The following SVEP1 variants were observed in gnomAD, a reference collection of about 807,000 sequenced individuals.
The protein encoded by SVEP1 is sushi, von Willebrand factor type A, EGF and pentraxin domain-containing protein 1.
SVEP1 carries 164 observed loss-of-function variants against 367.3 expected under a neutral mutation model. That is an observed-to-expected ratio of 0.45 (90% CI 0.39 to 0.51). SVEP1 has a LOEUF of 0.51. Among genes scored for constraint, SVEP1 ranks in the 20% least tolerant of loss-of-function variants. SVEP1 has a pLI of 0.00. For missense variants in SVEP1, 4,117 were observed against 4,425.3 expected, an observed-to-expected ratio of 0.93 and a Z score of 1.98; for synonymous variants, 1,666 against 1,611.6, an observed-to-expected ratio of 1.03 and a Z score of -0.81.
At chr9:110,393,071 T>G (rs1184407504) in intron 40 of SVEP1, among the ~76,000 whole-genome samples, 2 of 152,222 alleles carry the variant, frequency 1.3e-5, no homozygotes, top group Non-Finnish European at 2.9e-5. Context: ...ATTGCACCTT[T>G]CTCAATTTTT....
chr9:110,451,843 AAC>A (rs1409993569), intron 22 of SVEP1, among the ~76,000 whole-genome samples: 4 of 152,218 alleles, frequency 2.6e-5, no homozygotes, highest in Non-Finnish European at 4.4e-5. Flanking sequence ...AAATTAGGGA[AAC>A]ACAGCCAAAT....
intron 41 of SVEP1, among the ~76,000 whole-genome samples, 186 bp from the exon 42 acceptor site, chr9:110,387,644 T>G (rs1489383046): frequency 6.6e-6 from 1 of 152,214 alleles, no homozygotes; most frequent in Non-Finnish European, 1.5e-5. Flanking sequence ...AATACATGCA[T>G]GCAATTAAAG....
At chr9:110,535,500 G>A (rs1325801559) in intron 3 of SVEP1, among the ~76,000 whole-genome samples, 1 of 151,982 alleles carries the variant, frequency 6.6e-6, no homozygotes, top group Admixed American at 6.6e-5. Flanking sequence ...GGCTATTCTG[G>A]GTCTTTTTTG....
At chr9:110,572,169 C>A (rs1429881459) in intron 1 of SVEP1, among the ~76,000 whole-genome samples, 1 of 152,194 alleles carries the variant, frequency 6.6e-6, no homozygotes, top group Non-Finnish European at 1.5e-5. Context: ...GATAGACTGT[C>A]TTTGGCATTT....
chr9:110,458,113 ACT>A (rs1272081645), intron 20 of SVEP1: 1 of 497,130 alleles, frequency 2.0e-6, no homozygotes, highest in Non-Finnish European at 3.9e-6. Flanking sequence ...AAGTTGGGTA[ACT>A]CTGCCTGCCA....
At chr9:110,441,812 T>C (rs935461490) in intron 27 of SVEP1, among the ~76,000 whole-genome samples, 10 of 152,210 alleles carry the variant, frequency 6.6e-5, no homozygotes, top group Non-Finnish European at 1.5e-4. Flanking sequence ...TACACCCTAT[T>C]ACTTCTTTCT....
chr9:110,484,692 C>T (rs1383471089), intron 9 of SVEP1, among the ~76,000 whole-genome samples: 1 of 151,856 alleles, frequency 6.6e-6, no homozygotes, highest in Non-Finnish European at 1.5e-5. Context: ...GCAATCTATC[C>T]ATCTGACAAA....
chr9:110,572,628 G>A lies in SVEP1; in HGVS notation c.531+6385C>T, dbSNP rs187550591. Among the ~76,000 whole-genome samples the A allele has an allele frequency of 1.3e-3, 202 of 152,014 alleles. 2 individuals are homozygous for A. The highest frequency in any genetic ancestry group is 1.5e-3 in the Non-Finnish European group (99 of 67,978). On this transcript the variant is annotated intron_variant, in intron 1 of 47. Transcript: ENST00000374469. ...TGTAATCCCAGCACTTTGGGAGGTC[G>A]AGGTGGGCTGGTCACTTGAGCCCAG...
chr9:110,387,989 TG>T (rs1827552696), intron 41 of SVEP1, among the ~76,000 whole-genome samples: 1 of 152,234 alleles, frequency 6.6e-6, no homozygotes, highest in Non-Finnish European at 1.5e-5. Flanking sequence ...CCTGTATTTT[TG>T]TTTCTTCTAA....
At chr9:110,403,301 T>TTTG (rs1827895365) in intron 39 of SVEP1, among the ~76,000 whole-genome samples, 1 of 124,058 alleles carries the variant, frequency 8.1e-6, no homozygotes, top group Non-Finnish European at 1.6e-5. Context: ...CCGCCGTTTT[T>TTTG]TTTTTTTTTT....
At chr9:110,444,773 T>C (rs1226871612) in intron 26 of SVEP1, among the ~76,000 whole-genome samples, 1 of 152,240 alleles carries the variant, frequency 6.6e-6, no homozygotes, top group Non-Finnish European at 1.5e-5. Context: ...ATTTTTGCAA[T>C]ATTAATGGTT....
chr9:110,541,746 C>CATACATCTATATACATAGATATCTAT lies in SVEP1; in HGVS notation c.964+4343_964+4368dup, dbSNP rs1367673057. Among the ~76,000 whole-genome samples the CATACATCTATATACATAGATATCTAT allele has an allele frequency of 8.0e-4, 119 of 149,444 alleles. 1 individual carries two copies. Among genetic ancestry groups the CATACATCTATATACATAGATATCTAT allele is most frequent in the Non-Finnish European group, 1.5e-3 (100 of 67,496 alleles). On this transcript the variant is annotated intron_variant, in intron 3 of 47. Coordinates refer to ENST00000374469, the MANE Select transcript of SVEP1 (RefSeq NM_153366.4). ...CACATGCAATCTATATACATATCTA[C>CATACATCTATATACATAGATATCTAT]ATACATCTATATACATAGATATCTA...
At position 110,490,629 on chromosome 9, in the gene SVEP1, A is replaced by G. The variant is rs529430569; in HGVS notation, c.1801-850T>C. ...TATTATTTCCTTGTAATAGAGTTCC[A>G]TGAACAGAATTATTAAACCCAATCA... On this transcript the variant is annotated intron_variant, in intron 8 of 47. Transcript: ENST00000374469. 7.9e-5 allele frequency among the ~76,000 whole-genome samples: 12 copies of G among 152,190 alleles called. No homozygotes were observed. The South Asian group carries it at 2.1e-3, about 26-fold the overall frequency.
Position 110,408,922 on chromosome 9 carries a change from T to C in SVEP1, c.6678A>G (p.Glu2226=), listed in dbSNP as rs1370402683. ...AGCCCGGGTTACACTGATACCTCAC[T>C]TCACTCTCAAAGATCCTGCCAGTTG... ...EHTTGRIFES[E]VRYQCNPGYK... is the part of the protein sequence containing the mutation. The change falls in exon 38 of 48, where the codon GAA becomes GAG. Residue 2226 remains glutamate, a synonymous_variant. Coordinates refer to ENST00000374469, the MANE Select transcript of SVEP1 (RefSeq NM_153366.4). 1.9e-6 allele frequency: 3 copies of C among 1,596,814 alleles called. No individual in the cohort carries two copies. Among genetic ancestry groups the C allele is most frequent in the Admixed American group, 1.7e-5 (1 of 58,200 alleles).
At chr9:110,528,152 GTGTGTATATATA>G (rs1432116767) in intron 3 of SVEP1, among the ~76,000 whole-genome samples, 4 of 22,082 alleles carry the variant, frequency 1.8e-4, no homozygotes, top group African/African-American at 4.4e-4. Context: ...GTGTGTGTGT[GTGTGTATATATA>G]TATATATATA....
chr9:110,407,495 T>A lies in SVEP1; in HGVS notation c.8105A>T (p.Asp2702Val). 2 of 1,613,980 alleles carry A rather than the reference T, an allele frequency of 1.2e-6. No homozygotes were observed. The highest frequency in any genetic ancestry group is 1.7e-6 in the Non-Finnish European group (2 of 1,179,882). The change falls in exon 38 of 48, where the codon GAT (aspartate) becomes GTT (valine). Residue 2702 changes from aspartate to valine, a missense_variant. Around this residue, in one of 4 missense-constraint regions of SVEP1, gnomAD observed 1,765 missense variants for 1,781.1 expected, o/e 0.99. Transcript: ENST00000374469. ...LGNPVLICQEDGTWNGSAPSC... is the reference protein window; with the variant it reads ...LGNPVLICQEVGTWNGSAPSC... ...TGGTGCACTGCCATTCCAAGTTCCA[T>A]CTTCCTGGCAGATCAGCACAGGGTT...
intron 3 of SVEP1, among the ~76,000 whole-genome samples, chr9:110,530,914 A>G (rs1166003990): frequency 6.6e-6 from 1 of 152,172 alleles, no homozygotes; most frequent in Non-Finnish European, 1.5e-5. Context: ...TTTCTTTCAA[A>G]TTATTCTTAG....
At chr9:110,393,549 C>A (rs936873509) in intron 40 of SVEP1, among the ~76,000 whole-genome samples, 1 of 152,170 alleles carries the variant, frequency 6.6e-6, no homozygotes, top group Non-Finnish European at 1.5e-5. Flanking sequence ...CAAGCCAAAG[C>A]AGAATGAGGC....
rs546119702 is a variant in SVEP1, at chr9:110,528,637, T to C, written c.965-14531A>G. Among the ~76,000 whole-genome samples the C allele has an allele frequency of 2.6e-5, 4 of 151,984 alleles. No homozygotes were observed. In the East Asian group the frequency reaches 5.8e-4, roughly 22 times the overall value. On this transcript the variant is annotated intron_variant, in intron 3 of 47. Coordinates refer to ENST00000374469, the MANE Select transcript of SVEP1 (RefSeq NM_153366.4). Reference sequence around the variant, plus strand: ...AAATGTCTAAGTTGATTGTCTACTTTTTAATGAGATTATTTATTTGTTTGT... The same window carrying C: ...AAATGTCTAAGTTGATTGTCTACTTCTTAATGAGATTATTTATTTGTTTGT...
Sources: allele counts gnomAD v4.1 joint callset (sites outside exome capture counted in the v4.1 genomes callset), GRCh38; gene constraint gnomAD v4.1.1; regional missense constraint gnomAD v4.1.1; transcripts MANE v1.5; gene names NCBI Gene and HGNC (gene_info 2026-07-23, HGNC 2026-07-21).